CSPP1: variants seen among roughly 807,000 people sequenced by gnomAD.
CSPP1 encodes centrosome and spindle pole-associated protein 1.
A neutral mutation model predicts 164.4 loss-of-function variants in CSPP1; 126 were observed. The observed-to-expected ratio is 0.77, with a 90% CI of 0.66 to 0.89. The LOEUF is 0.89. CSPP1 is among the 40% of genes least tolerant of loss of function. The pLI, the probability that CSPP1 is intolerant of heterozygous loss-of-function variation, is 0.00. For missense variants in CSPP1, 1,395 were observed against 1,449.8 expected (o/e 0.96, Z 0.61); for synonymous variants, 472 against 476.7 (o/e 0.99, Z 0.13).
At chr8:67,178,960 G>GGGACA (rs1185093657) in intron 27 of CSPP1, among the ~76,000 whole-genome samples, 1 of 152,178 alleles carries the variant, frequency 6.6e-6, no homozygotes, top group Non-Finnish European at 1.5e-5. Flanking sequence ...TTGACTGAGT[G>GGGACA]GGACAGGAGG....
chr8:67,169,727 A>C (rs895545078), intron 24 of CSPP1, among the ~76,000 whole-genome samples: 1 of 151,988 alleles, frequency 6.6e-6, no homozygotes, highest in Non-Finnish European at 1.5e-5. Context: ...GGTGTGAGCC[A>C]CCGTGCCCGG....
chr8:67,179,902 T>C lies in CSPP1; in HGVS notation c.3196T>C (p.Leu1066=), dbSNP rs756500731. Reference sequence around the variant, plus strand: ...TAGTGATTTCTTGAAAAACTCATTATTGGAATCTGATAGTGCTTTTATTGG... The same window carrying C: ...TAGTGATTTCTTGAAAAACTCATTACTGGAATCTGATAGTGCTTTTATTGG... ...DTSDFLKNSL[L]ESDSAFIGAY... Residue 1066 remains leucine (L), a synonymous_variant, in exon 28 of 31, where the codon TTG becomes CTG. Transcript: ENST00000678616. 3 of 1,587,698 alleles carry C rather than the reference T, an allele frequency of 1.9e-6. No homozygotes were observed. The highest frequency in any genetic ancestry group is 2.2e-5 in the South Asian group (2 of 90,386).
At chr8:67,078,822 A>G (rs528720470) in intron 3 of CSPP1, among the ~76,000 whole-genome samples, 2 of 152,190 alleles carry the variant, frequency 1.3e-5, no homozygotes, top group Non-Finnish European at 2.9e-5. Context: ...AATACAAAAA[A>G]ATTAGCCCAG....
At chr8:67,190,840 C>A in intron 29 of CSPP1, 81 bp downstream of exon 29, 2 of 990,206 alleles carry the variant, frequency 2.0e-6, no homozygotes, top group Non-Finnish European at 3.2e-6. Context: ...ATCTGTGTGG[C>A]CCAATAAAGA....
chr8:67,095,626 T>TA lies in CSPP1; in HGVS notation c.818dup (p.Tyr273Ter), dbSNP rs1233028229. The stretch of plus-strand genomic sequence containing the variant: ...TGAGGATCGTGTTTTTGATAGACGG[T>TA]ATCATAGACCAGACCAAGATCCTGA... ...FNEDRVFDRR[Y>*]HRPDQDPEVS... Residue 273 changes from tyrosine to a stop codon, truncating the protein, a stop_gained and frameshift_variant, in exon 7 of 31, where the codon TAT becomes TAAT. Transcript: ENST00000678616. LOFTEE classifies it high-confidence loss of function. The TA allele has an allele frequency of 6.2e-6, 10 of 1,613,574 alleles. No individual in the cohort carries two copies. Among genetic ancestry groups the TA allele is most frequent in the African/African-American group, 1.3e-5 (1 of 75,032 alleles).
chr8:67,131,344 G>A (rs1485774705), intron 15 of CSPP1, among the ~76,000 whole-genome samples: 1 of 151,812 alleles, frequency 6.6e-6, no homozygotes, highest in East Asian at 1.9e-4. Context: ...CTATGATGGC[G>A]CCACTGCACT....
intron 28 of CSPP1, among the ~76,000 whole-genome samples, chr8:67,185,503 A>G (rs1029776859): frequency 2.0e-5 from 3 of 152,218 alleles, no homozygotes; most frequent in African/African-American, 4.8e-5. Context: ...TGTACAGCCA[A>G]TGGTTTCCCT....
In CSPP1 at chr8:67,190,611, C is replaced by A. The variant is rs1388581088; in HGVS notation, c.3221-39C>A. The A allele has an allele frequency of 2.8e-6, 4 of 1,436,130 alleles. No homozygotes were observed. In the Admixed American group the frequency reaches 5.0e-5, roughly 18 times the overall value. 89.0% of individuals were successfully genotyped at this position (1,436,130 alleles called of 1,614,324 possible). A position where few individuals can be genotyped will look rare whatever the true frequency, so the allele number is the denominator to read the frequency against. On this transcript the variant is annotated intron_variant, in intron 28 of 30. Transcript: ENST00000678616. ...GTTTAGCTCTGGGTAAGATTTGAAGCAGTATTAAGACTCCTTCTGCTTTTC... is the reference window on the plus strand; with the variant it reads ...GTTTAGCTCTGGGTAAGATTTGAAGAAGTATTAAGACTCCTTCTGCTTTTC...
At chr8:67,118,846 T>C in intron 15 of CSPP1, 25 bp downstream of exon 15, 2 of 1,513,534 alleles carry the variant, frequency 1.3e-6, no homozygotes, top group Middle Eastern at 1.7e-4. Flanking sequence ...AAAAGAATAA[T>C]TTTTTCCCCA....
At chr8:67,156,961 T>A (rs1826782881) in intron 19 of CSPP1, among the ~76,000 whole-genome samples, 1 of 152,216 alleles carries the variant, frequency 6.6e-6, no homozygotes, top group Non-Finnish European at 1.5e-5. Flanking sequence ...TGTCTAGCAT[T>A]CCTGTTGGCA....
chr8:67,070,757 T>G (rs914962698), intron 1 of CSPP1, among the ~76,000 whole-genome samples: 1 of 148,524 alleles, frequency 6.7e-6, no homozygotes, highest in Non-Finnish European at 1.5e-5. Flanking sequence ...ATTTTTAGTG[T>G]TTTTTTTTGA....
At chr8:67,092,454 T>C (rs1811812141) in intron 5 of CSPP1, among the ~76,000 whole-genome samples, 1 of 152,196 alleles carries the variant, frequency 6.6e-6, no homozygotes, top group Non-Finnish European at 1.5e-5. Flanking sequence ...TTCTTTTTTT[T>C]TGAGACGAAG....
chr8:67,141,321 A>G (rs777183843), intron 17 of CSPP1, among the ~76,000 whole-genome samples: 12 of 152,192 alleles, frequency 7.9e-5, no homozygotes, highest in Non-Finnish European at 1.3e-4. Context: ...TGACCTAATG[A>G]GCATGGAGAA....
At chr8:67,099,369 C>G (rs1813551798) in intron 7 of CSPP1, 1 of 151,958 alleles carries the variant, frequency 6.6e-6, no homozygotes, top group African/African-American at 2.4e-5. Context: ...TAGGCTTGGA[C>G]CTGGTTAGTA....
chr8:67,082,979 TA>T (rs1695903540), intron 3 of CSPP1, among the ~76,000 whole-genome samples: 1 of 152,194 alleles, frequency 6.6e-6, no homozygotes, highest in South Asian at 2.1e-4. Context: ...ATGCATGGTT[TA>T]AAAGAATAGG....
chr8:67,129,346 G>C (rs1820744368), intron 15 of CSPP1, among the ~76,000 whole-genome samples: 1 of 152,122 alleles, frequency 6.6e-6, no homozygotes. Flanking sequence ...TAGAAAGGAA[G>C]AGAGAAAACT....
intron 24 of CSPP1, among the ~76,000 whole-genome samples, chr8:67,166,192 C>T (rs1829272747): frequency 6.6e-6 from 1 of 152,160 alleles, no homozygotes; most frequent in South Asian, 2.1e-4. Context: ...TGCCCCATCC[C>T]TAGAATCAGC....
Position 67,190,777 on chromosome 8 carries a change from C to A in CSPP1, c.3330+18C>A, listed in dbSNP as rs372999075. Reference sequence around the variant, plus strand: ...TAGACATTGTATGTATGAGACTTTTCTCCCCCTTTTCAACTTAGAAGAATG... The same window carrying A: ...TAGACATTGTATGTATGAGACTTTTATCCCCCTTTTCAACTTAGAAGAATG... On this transcript the variant is annotated intron_variant, in intron 29 of 30. Coordinates refer to ENST00000678616, the MANE Select transcript of CSPP1 (RefSeq NM_001382391.1). 22 of 1,546,910 alleles carry A rather than the reference C, an allele frequency of 1.4e-5. No homozygotes were observed. The African/African-American group carries it at 2.7e-4, about 19-fold the overall frequency.
chr8:67,124,022 C>T (rs1819562438), intron 15 of CSPP1, among the ~76,000 whole-genome samples: 5 of 151,650 alleles, frequency 3.3e-5, no homozygotes, highest in Admixed American at 3.3e-4. Context: ...GCCTCAGCCT[C>T]CCGAGTAGCT....
Sources: gnomAD v4.1 joint callset for allele counts (sites outside exome capture counted in the v4.1 genomes callset) on GRCh38, gnomAD v4.1.1 for gene constraint, MANE v1.5 for transcripts, NCBI Gene and HGNC (gene_info 2026-07-23, HGNC 2026-07-21) for gene names.